The following CAMK1D variants were observed in gnomAD, a reference collection of about 807,000 sequenced individuals.
CAMK1D encodes the protein calcium/calmodulin dependent protein kinase ID.
In CAMK1D, 9 loss-of-function variants were observed where a neutral mutation model predicts 47.7. That is an observed-to-expected ratio of 0.19 (90% CI 0.11 to 0.33). The LOEUF (loss-of-function observed/expected upper bound fraction) is 0.33, where lower values mean the gene tolerates loss of function less well. Ranked by LOEUF, CAMK1D falls within the 10% of genes least tolerant of loss-of-function variation. The pLI is 1.00. For synonymous variants in CAMK1D, 184 were observed against 184.9 expected (o/e 0.99, Z 0.04); for missense variants, 291 against 488.7 (o/e 0.60, Z 3.81).
rs569133359 is a variant in CAMK1D, at chr10:12,523,243, C to T, written c.93-29982C>T. ...CAGATGATGGGCGGCCGGGAAGAGG[C>T]GCTCCTCACTTCCCAGACTGGGTGG... On this transcript the variant is annotated intron_variant, in intron 1 of 10. Transcript: ENST00000619168. 3.2e-3 allele frequency among the ~76,000 whole-genome samples: 486 copies of T among 150,790 alleles called. 2 individuals are homozygous for T. Among genetic ancestry groups the T allele is most frequent in the African/African-American group, 0.011 (448 of 41,118 alleles).
intron 5 of CAMK1D, among the ~76,000 whole-genome samples, chr10:12,782,367 C>T (rs1837538634): frequency 2.0e-5 from 3 of 152,168 alleles, no homozygotes; most frequent in South Asian, 2.1e-4. Flanking sequence ...TCAGTATCAC[C>T]TCCTTGTCTT....
intron 1 of CAMK1D, among the ~76,000 whole-genome samples, chr10:12,501,703 G>C (rs186213121): frequency 6.6e-6 from 1 of 152,284 alleles, no homozygotes; most frequent in Admixed American, 6.5e-5. Context: ...TTTGGGGGTT[G>C]TGTGTGCCGC....
At chr10:12,615,820 GTA>G (rs967488856) in intron 2 of CAMK1D, among the ~76,000 whole-genome samples, 75 of 151,036 alleles carry the variant, frequency 5.0e-4, no homozygotes, top group Middle Eastern at 6.8e-3. Flanking sequence ...GTGTGTATAG[GTA>G]TATGTGTGCG....
intron 4 of CAMK1D, among the ~76,000 whole-genome samples, chr10:12,766,101 G>A (rs1008151422): frequency 4.0e-4 from 61 of 151,862 alleles, no homozygotes; most frequent in Non-Finnish European, 7.4e-5. Flanking sequence ...TAGTAGCTGG[G>A]ATTACGGGCA....
intron 2 of CAMK1D, among the ~76,000 whole-genome samples, chr10:12,643,589 C>T (rs973743643): frequency 4.6e-5 from 7 of 152,208 alleles, no homozygotes; most frequent in African/African-American, 1.4e-4. Flanking sequence ...CCTGATGAGA[C>T]TCTAATGTGT....
chr10:12,545,150 G>A, intron 1 of CAMK1D, among the ~76,000 whole-genome samples: 1 of 92,264 alleles, frequency 1.1e-5, no homozygotes, highest in African/African-American at 3.7e-5. Flanking sequence ...ACATGGGATA[G>A]GTAATGTACG....
intron 1 of CAMK1D, among the ~76,000 whole-genome samples, chr10:12,414,222 G>A (rs1486172244): frequency 6.6e-6 from 1 of 152,226 alleles, no homozygotes. Flanking sequence ...TAGGAGGCAT[G>A]CGTTTATTAG....
At chr10:12,378,294 T>G (rs1195238189) in intron 1 of CAMK1D, among the ~76,000 whole-genome samples, 1 of 152,192 alleles carries the variant, frequency 6.6e-6, no homozygotes, top group Non-Finnish European at 1.5e-5. Flanking sequence ...TTGCCCAGGC[T>G]AGGGTGAGGT....
intron 2 of CAMK1D, among the ~76,000 whole-genome samples, chr10:12,653,524 G>A (rs1352459388): frequency 6.6e-6 from 1 of 152,208 alleles, no homozygotes; most frequent in African/African-American, 2.4e-5. Flanking sequence ...AAGCCTGAGT[G>A]TGACCTGAGC....
chr10:12,634,007 G>A (rs1025498265), intron 2 of CAMK1D, among the ~76,000 whole-genome samples: 1 of 152,206 alleles, frequency 6.6e-6, no homozygotes, highest in Admixed American at 6.5e-5. Context: ...CCTGGCTTTA[G>A]TCAGAGGGAT....
At chr10:12,485,517 T>C (rs1271734523) in intron 1 of CAMK1D, among the ~76,000 whole-genome samples, 1 of 152,082 alleles carries the variant, frequency 6.6e-6, no homozygotes, top group Non-Finnish European at 1.5e-5. Flanking sequence ...AGGGGAGGGC[T>C]GGTCACAGGG....
rs185495029 is a variant in CAMK1D, at chr10:12,790,547, C to T, written c.566-611C>T. On this transcript the variant is annotated intron_variant, in intron 5 of 10. Coordinates refer to ENST00000619168, the MANE Select transcript of CAMK1D (RefSeq NM_153498.4). ...TTAGTACGGCACTGCCATAAAATAG[C>T]CATGTATTATGTGTTTGTTGACTGA... Among the ~76,000 whole-genome samples, 5 of 152,242 alleles carry T rather than the reference C, an allele frequency of 3.3e-5. No individual in the cohort carries two copies. The East Asian group carries it at 9.7e-4, about 29-fold the overall frequency.
chr10:12,421,640 C>G (rs1484634790), intron 1 of CAMK1D, among the ~76,000 whole-genome samples: 1 of 147,950 alleles, frequency 6.8e-6, no homozygotes, highest in Admixed American at 7.0e-5. Flanking sequence ...ATTCTTCTGC[C>G]TCAGCCTCCC....
chr10:12,472,958 A>G (rs1833792428), intron 1 of CAMK1D, among the ~76,000 whole-genome samples: 1 of 152,186 alleles, frequency 6.6e-6, no homozygotes, highest in African/African-American at 2.4e-5. Context: ...GGAAGCTGAA[A>G]TATCCATGTG....
At chr10:12,750,542 G>C (rs17152197) in intron 3 of CAMK1D, among the ~76,000 whole-genome samples, 32,706 of 152,080 alleles carry the variant, frequency 0.22, 3,604 homozygotes, top group East Asian at 0.29. Context: ...ATTCTTCTGA[G>C]TGTGAGGCAC....
At chr10:12,821,196 CTGAT>C (rs1171918997) in intron 8 of CAMK1D, among the ~76,000 whole-genome samples, 1 of 152,196 alleles carries the variant, frequency 6.6e-6, no homozygotes, top group Non-Finnish European at 1.5e-5. Flanking sequence ...GGGCCGTCGA[CTGAT>C]TGAACGAGGC....
Position 12,662,651 on chromosome 10 carries a change from C to CAAAAAAAAAAAAAA in CAMK1D, c.225-4072_225-4071insAAAAAAAAAAAAAA, listed in dbSNP as rs56807588. 9.4e-3 allele frequency among the ~76,000 whole-genome samples: 1,310 copies of CAAAAAAAAAAAAAA among 140,066 alleles called. 11 individuals are homozygous for CAAAAAAAAAAAAAA. The highest frequency in any genetic ancestry group is 0.073 in the South Asian group (298 of 4,062). The allele number at this position is 140,066 out of a possible 152,430, so 91.9% of individuals were successfully genotyped here. A position where few individuals can be genotyped will look rare whatever the true frequency, so the allele number is the denominator to read the frequency against. On this transcript the variant is annotated intron_variant, in intron 2 of 10. Coordinates refer to ENST00000619168, the MANE Select transcript of CAMK1D (RefSeq NM_153498.4). ...TCGGAGACAGAGCAACACTCTGCCTCAAAAAAAAAAAAAGGAGATTGTGTT... is the reference window on the plus strand; with the variant it reads ...TCGGAGACAGAGCAACACTCTGCCTCAAAAAAAAAAAAAAAAAAAAAAAAAAAGGAGATTGTGTT...
intron 1 of CAMK1D, among the ~76,000 whole-genome samples, chr10:12,467,215 C>T (rs1009315460): frequency 9.9e-5 from 15 of 151,634 alleles, no homozygotes; most frequent in Non-Finnish European, 2.1e-4. Flanking sequence ...TGCAGTGGCG[C>T]GATCTCAGTT....
At chr10:12,545,772 C>A (rs1836348912) in intron 1 of CAMK1D, among the ~76,000 whole-genome samples, 1 of 151,920 alleles carries the variant, frequency 6.6e-6, no homozygotes, top group South Asian at 2.1e-4. Flanking sequence ...TGCACTCCAG[C>A]CCGGGTGACA....
Sources: gnomAD v4.1 joint callset for allele counts (sites outside exome capture counted in the v4.1 genomes callset) on GRCh38, gnomAD v4.1.1 for gene constraint, MANE v1.5 for transcripts, NCBI Gene and HGNC (gene_info 2026-07-23, HGNC 2026-07-21) for gene names.